Variants in MYO1D observed in about 807,000 individuals in gnomAD.
MYO1D encodes the protein unconventional myosin-Id.
Under a neutral mutation model 122.0 loss-of-function variants are expected in MYO1D, and 83 were observed. The ratio of observed to expected loss-of-function variants is 0.68; its 90% CI spans 0.57 to 0.82. The LOEUF is 0.82. Among genes scored for constraint, MYO1D ranks in the 40% least tolerant of loss-of-function variants. MYO1D has a pLI of 0.00. For synonymous variants in MYO1D, 464 were observed against 446.9 expected (o/e 1.04, Z -0.48); for missense variants, 1,157 against 1,269.5 (o/e 0.91, Z 1.35).
intron 21 of MYO1D, among the ~76,000 whole-genome samples, chr17:32,523,226 A>G (rs904833488): frequency 6.6e-6 from 1 of 152,152 alleles, no homozygotes; most frequent in Non-Finnish European, 1.5e-5. Context: ...ACAGCAAGAG[A>G]AGGAAGGGAA....
intron 8 of MYO1D, 22 bp downstream of exon 8, chr17:32,764,856 A>G (rs1555538812): frequency 1.2e-6 from 2 of 1,612,580 alleles, no homozygotes; most frequent in African/African-American, 1.3e-5. Flanking sequence ...ACCAGGTGAC[A>G]TAGGGTCAGT....
At chr17:32,822,512 T>G (rs2151058889) in intron 1 of MYO1D, among the ~76,000 whole-genome samples, 1 of 150,330 alleles carries the variant, frequency 6.7e-6, no homozygotes, top group East Asian at 2.0e-4. Flanking sequence ...CGCCGCTTCT[T>G]CGGTTCCCGC....
In MYO1D at chr17:32,659,164, G is replaced by A. The variant is rs2088517554; in HGVS notation, c.2296C>T (p.Pro766Ser). 1 of 1,614,012 alleles carries A rather than the reference G, an allele frequency of 6.2e-7. No homozygotes were observed. Among genetic ancestry groups the A allele is most frequent in the South Asian group, 1.1e-5 (1 of 91,080 alleles). ...TCCTCAAAACGGCGAAGAACTTTAGGAGGGCTTGGCCACTTCACGTGCTTC... is the reference window on the plus strand; with the variant it reads ...TCCTCAAAACGGCGAAGAACTTTAGAAGGGCTTGGCCACTTCACGTGCTTC... Reference protein sequence around the residue: ...YGKHVKWPSPPKVLRRFEEAL... With the variant: ...YGKHVKWPSPSKVLRRFEEAL... The change falls in exon 17 of 22, where the codon CCT becomes TCT. Residue 766 changes from proline (P) to serine (S), a missense_variant. Pro to Ser is a moderately conservative substitution (Grantham distance 74). Coordinates refer to ENST00000318217, the MANE Select transcript of MYO1D (RefSeq NM_015194.3).
intron 8 of MYO1D, 107 bp downstream of exon 8, chr17:32,764,771 A>G: frequency 1.7e-6 from 2 of 1,208,842 alleles, no homozygotes; most frequent in Non-Finnish European, 2.4e-6. Context: ...ATGGTTTCTA[A>G]AAGCCTTAAC....
At chr17:32,531,514 G>A (rs1360476587) in intron 21 of MYO1D, 3 of 152,178 alleles carry the variant, frequency 2.0e-5, no homozygotes, top group Non-Finnish European at 2.9e-5. Context: ...TATATAGTAA[G>A]CTTACTCTGC....
intron 21 of MYO1D, among the ~76,000 whole-genome samples, chr17:32,596,132 C>T (rs565088039): frequency 8.5e-5 from 13 of 152,314 alleles, no homozygotes; most frequent in Middle Eastern, 3.4e-3. Flanking sequence ...TTTTAAATAG[C>T]TCAAATACCC....
chr17:32,870,982 T>A (rs1220558393), intron 1 of MYO1D, among the ~76,000 whole-genome samples: 3 of 152,196 alleles, frequency 2.0e-5, no homozygotes, highest in Non-Finnish European at 4.4e-5. Flanking sequence ...TGAATAAATG[T>A]CCATGTATCC....
intron 1 of MYO1D, among the ~76,000 whole-genome samples, chr17:32,857,812 C>G (rs1456713075): frequency 6.6e-6 from 1 of 152,160 alleles, no homozygotes; most frequent in Non-Finnish European, 1.5e-5. Context: ...CAGAAATTTT[C>G]TCCACATGTG....
intron 11 of MYO1D, among the ~76,000 whole-genome samples, chr17:32,754,317 G>A (rs1220388111): frequency 6.6e-6 from 1 of 152,184 alleles, no homozygotes; most frequent in Admixed American, 6.5e-5. Context: ...CCTGGAAGAT[G>A]AGAAGCACTT....
chr17:32,577,507 T>C (rs2087289705), intron 21 of MYO1D, among the ~76,000 whole-genome samples: 1 of 152,148 alleles, frequency 6.6e-6, no homozygotes, highest in Admixed American at 6.5e-5. Context: ...CTGAGATGTT[T>C]ATTTTTATAC....
intron 21 of MYO1D, among the ~76,000 whole-genome samples, chr17:32,573,403 C>G (rs2087248776): frequency 6.6e-6 from 1 of 152,192 alleles, no homozygotes. Flanking sequence ...TTTGGATCTG[C>G]TACCTTTGAC....
chr17:32,687,001 ACAC>A (rs1392012422), intron 16 of MYO1D, among the ~76,000 whole-genome samples: 3 of 148,084 alleles, frequency 2.0e-5, no homozygotes, highest in South Asian at 2.1e-4. Context: ...ACACACACAC[ACAC>A]ACCAAAAAAC....
chr17:32,859,605 T>C (rs1220124454), intron 1 of MYO1D, among the ~76,000 whole-genome samples: 1 of 152,234 alleles, frequency 6.6e-6, no homozygotes, highest in Non-Finnish European at 1.5e-5. Context: ...TTTTACCCAC[T>C]GGCATGAATT....
At chr17:32,747,844 A>G (rs2030318543) in intron 12 of MYO1D, among the ~76,000 whole-genome samples, 2 of 151,848 alleles carry the variant, frequency 1.3e-5, no homozygotes, top group African/African-American at 4.8e-5. Context: ...CTCAAAAAAA[A>G]GGAAAAAAAA....
chr17:32,712,645 A>G lies in MYO1D; in HGVS notation c.1914-450T>C, dbSNP rs146689333. On this transcript the variant is annotated intron_variant, in intron 15 of 21. Coordinates refer to ENST00000318217, the MANE Select transcript of MYO1D (RefSeq NM_015194.3). Reference sequence around the variant, plus strand: ...CTTATGTATAATGTAACTTTCCTCAAAGGAAATCAAGCAGATCTCTAGATA... The same window carrying G: ...CTTATGTATAATGTAACTTTCCTCAGAGGAAATCAAGCAGATCTCTAGATA... Among the ~76,000 whole-genome samples the G allele has an allele frequency of 1.3e-3, 198 of 152,344 alleles. 1 individual carries two copies. In the South Asian group the frequency reaches 0.013, roughly 10 times the overall value.
intron 21 of MYO1D, among the ~76,000 whole-genome samples, chr17:32,565,867 C>T (rs1038580568): frequency 4.6e-5 from 7 of 152,054 alleles, no homozygotes; most frequent in East Asian, 3.8e-4. Context: ...ACTACAGGTG[C>T]GTGCCACCAG....
rs991750230 is a variant in MYO1D, at chr17:32,493,435, A to T, written c.*1324T>A. 2 of 152,294 alleles carry T rather than the reference A, an allele frequency of 1.3e-5. No homozygotes were observed. Among genetic ancestry groups the T allele is most frequent in the Admixed American group, 1.3e-4 (2 of 15,278 alleles). The allele number at this position is 152,294 out of a possible 1,614,324, so 9.4% of individuals were successfully genotyped here. A position where few individuals can be genotyped will look rare whatever the true frequency, so the allele number is the denominator to read the frequency against. ...GAGAAGTGTCTGTGGCAGGACGGGA[A>T]GAAGCTTCAGTACATCCCTCTCTTG... On this transcript the variant is annotated 3_prime_UTR_variant, in exon 22 of 22. Transcript: ENST00000318217.
chr17:32,657,146 T>C (rs944675599), intron 17 of MYO1D, among the ~76,000 whole-genome samples: 1 of 152,220 alleles, frequency 6.6e-6, no homozygotes, highest in Non-Finnish European at 1.5e-5. Context: ...AAGCCAGGCA[T>C]GGAGAAAGCT....
At chr17:32,513,524 C>T (rs1457988665) in intron 21 of MYO1D, among the ~76,000 whole-genome samples, 1 of 152,124 alleles carries the variant, frequency 6.6e-6, no homozygotes, top group Non-Finnish European at 1.5e-5. Flanking sequence ...CATGTAGACC[C>T]AGGAGTACAC....
Sources: gnomAD v4.1 joint callset for allele counts (sites outside exome capture counted in the v4.1 genomes callset) on GRCh38, gnomAD v4.1.1 for gene constraint, MANE v1.5 for transcripts, NCBI Gene and HGNC (gene_info 2026-07-23, HGNC 2026-07-21) for gene names.